The following ZBTB20 variants were observed in gnomAD, a reference collection of about 807,000 sequenced individuals.
The protein encoded by ZBTB20 is zinc finger and BTB domain containing 20, also known as zinc finger and BTB domain-containing protein 20.
ZBTB20 carries 9 observed loss-of-function variants against 56.9 expected under a neutral mutation model. The observed-to-expected ratio is 0.16, with a 90% confidence interval of 0.10 to 0.28. The LOEUF (loss-of-function observed/expected upper bound fraction) is 0.28, where lower values mean the gene tolerates loss of function less well. ZBTB20 is among the 10% of genes least tolerant of loss of function. The pLI is 1.00. For missense variants in ZBTB20, 655 were observed against 1,003.0 expected, an observed-to-expected ratio of 0.65 and a Z score of 4.69; for synonymous variants, 417 against 420.7, an observed-to-expected ratio of 0.99 and a Z score of 0.11.
intron 4 of ZBTB20, among the ~76,000 whole-genome samples, chr3:114,856,302 CAT>C (rs1177172839): frequency 6.6e-6 from 1 of 152,046 alleles, no homozygotes; most frequent in East Asian, 1.9e-4. Flanking sequence ...TGATTATGCC[CAT>C]TTTTGGAAGA....
intron 2 of ZBTB20, among the ~76,000 whole-genome samples, chr3:115,056,663 G>A (rs1029673011): frequency 6.6e-6 from 1 of 151,974 alleles, no homozygotes; most frequent in East Asian, 1.9e-4. Context: ...ATTGCGTGAG[G>A]GTATGTGGAT....
intron 6 of ZBTB20, among the ~76,000 whole-genome samples, chr3:114,558,334 T>A (rs1341874530): frequency 2.0e-5 from 3 of 152,018 alleles, no homozygotes; most frequent in African/African-American, 7.2e-5. Context: ...ACTTTATCAG[T>A]TACTTCAACA....
At chr3:114,556,752 G>A (rs1178521830) in intron 6 of ZBTB20, among the ~76,000 whole-genome samples, 2 of 151,908 alleles carry the variant, frequency 1.3e-5, no homozygotes, top group African/African-American at 2.4e-5. Flanking sequence ...CTCCAAAGAT[G>A]GGACTTAAGA....
At chr3:114,381,264 C>T (rs1321096440) in intron 8 of ZBTB20, among the ~76,000 whole-genome samples, 1 of 152,050 alleles carries the variant, frequency 6.6e-6, no homozygotes, top group Non-Finnish European at 1.5e-5. Context: ...GTGCATCGTC[C>T]TGGAGTTTAG....
intron 6 of ZBTB20, among the ~76,000 whole-genome samples, chr3:114,610,042 G>A (rs1456577745): frequency 6.6e-6 from 1 of 152,080 alleles, no homozygotes; most frequent in African/African-American, 2.4e-5. Flanking sequence ...AAATGATAAA[G>A]CCATGGCAAT....
At chr3:115,026,822 A>G (rs2080445238) in intron 2 of ZBTB20, among the ~76,000 whole-genome samples, 1 of 150,698 alleles carries the variant, frequency 6.6e-6, no homozygotes, top group South Asian at 2.1e-4. Flanking sequence ...TATGAAAAAC[A>G]TTGCGGGAGG....
At chr3:115,018,281 A>G (rs1438283879) in intron 2 of ZBTB20, among the ~76,000 whole-genome samples, 2 of 135,808 alleles carry the variant, frequency 1.5e-5, no homozygotes, top group Non-Finnish European at 3.0e-5. Flanking sequence ...TCCTTTAAAT[A>G]AAAAAAAAAG....
At chr3:114,520,991 A>G (rs1275721148) in intron 6 of ZBTB20, among the ~76,000 whole-genome samples, 3 of 152,148 alleles carry the variant, frequency 2.0e-5, no homozygotes, top group Non-Finnish European at 4.4e-5. Flanking sequence ...TAACCAAAGG[A>G]GGCCTTTTTT....
chr3:114,632,551 TG>T (rs1166759822), intron 6 of ZBTB20, among the ~76,000 whole-genome samples: 5 of 152,332 alleles, frequency 3.3e-5, no homozygotes, highest in African/African-American at 1.2e-4. Context: ...TCAGCCTTCC[TG>T]GGGTCTGCAT....
chr3:114,925,958 G>A (rs1056587248), intron 3 of ZBTB20, among the ~76,000 whole-genome samples: 1 of 152,118 alleles, frequency 6.6e-6, no homozygotes, highest in Non-Finnish European at 1.5e-5. Context: ...CATTAATTTG[G>A]CTAATCTCAT....
chr3:115,059,759 T>C (rs1576675692), intron 2 of ZBTB20, among the ~76,000 whole-genome samples: 1 of 152,184 alleles, frequency 6.6e-6, no homozygotes. Context: ...TTCCCTTCTG[T>C]ACATTATGAT....
At chr3:115,069,477 G>A (rs2082328015) in intron 2 of ZBTB20, among the ~76,000 whole-genome samples, 2 of 152,000 alleles carry the variant, frequency 1.3e-5, no homozygotes, top group South Asian at 4.2e-4. Flanking sequence ...TTTCTGATAG[G>A]ATTCAGTTGA....
intron 2 of ZBTB20, among the ~76,000 whole-genome samples, chr3:114,987,221 AG>A (rs954011791): frequency 2.0e-5 from 3 of 152,158 alleles, no homozygotes; most frequent in Non-Finnish European, 4.4e-5. Context: ...TCCCAGTAAA[AG>A]TAAACCTTGA....
chr3:114,723,458 T>G (rs1425972577), intron 5 of ZBTB20, among the ~76,000 whole-genome samples: 1 of 152,190 alleles, frequency 6.6e-6, no homozygotes, highest in East Asian at 1.9e-4. Context: ...AGAGATTTTG[T>G]TTCATTCAAT....
At chr3:114,538,183 C>T (rs1321956540) in intron 6 of ZBTB20, among the ~76,000 whole-genome samples, 1 of 151,946 alleles carries the variant, frequency 6.6e-6, no homozygotes, top group Non-Finnish European at 1.5e-5. Context: ...TCTAGCTAGA[C>T]CTGTGGTTTC....
intron 6 of ZBTB20, chr3:114,624,142 G>A (rs1319113241): frequency 3.3e-5 from 5 of 152,184 alleles, no homozygotes; most frequent in Admixed American, 2.0e-4. Flanking sequence ...GATCCAAGGA[G>A]TGACGACTGA....
At chr3:114,910,938 G>T (rs189048365) in intron 3 of ZBTB20, among the ~76,000 whole-genome samples, 4 of 151,908 alleles carry the variant, frequency 2.6e-5, no homozygotes, top group African/African-American at 7.3e-5. Flanking sequence ...TTTTCTTCAC[G>T]TTTATTGTGT....
chr3:114,535,735 A>T (rs952408386), intron 6 of ZBTB20, among the ~76,000 whole-genome samples: 2 of 152,218 alleles, frequency 1.3e-5, no homozygotes, highest in Admixed American at 6.5e-5. Context: ...TTGATGTGAA[A>T]ATCCTCGATA....
At chr3:114,639,671 T>C (rs544110871) in intron 6 of ZBTB20, among the ~76,000 whole-genome samples, 1 of 152,056 alleles carries the variant, frequency 6.6e-6, no homozygotes, top group Non-Finnish European at 1.5e-5. Context: ...AGTAATCTTA[T>C]ATGAAGAATT....
Sources: gnomAD v4.1 joint callset for allele counts (sites outside exome capture counted in the v4.1 genomes callset) on GRCh38, gnomAD v4.1.1 for gene constraint, MANE v1.5 for transcripts, NCBI Gene and HGNC (gene_info 2026-07-23, HGNC 2026-07-21) for gene names.